SETBP1: variants seen among roughly 807,000 people sequenced by gnomAD.
SETBP1 encodes the protein SET binding protein 1, also known as SET-binding protein.
Under a neutral mutation model 101.0 loss-of-function variants are expected in SETBP1, and 9 were observed. The observed-to-expected ratio is 0.09, with a 90% CI of 0.05 to 0.16. The LOEUF is 0.16. SETBP1 is among the 10% of genes least tolerant of loss of function. The probability of loss-of-function intolerance (pLI) is 1.00; values close to 1 mark genes in which losing one functional copy is unlikely to be tolerated. For missense variants in SETBP1, 1,858 were observed against 2,033.8 expected (o/e 0.91, Z 1.66); for synonymous variants, 818 against 788.5 (o/e 1.04, Z -0.63).
chr18:44,859,852 T>A (rs1027487977), intron 2 of SETBP1, among the ~76,000 whole-genome samples: 1 of 152,242 alleles, frequency 6.6e-6, no homozygotes, highest in African/African-American at 2.4e-5. Context: ...TTCAGTTCAT[T>A]GAGTTCTGCC....
At chr18:44,813,293 A>G (rs1476089927) in intron 2 of SETBP1, among the ~76,000 whole-genome samples, 5 of 152,198 alleles carry the variant, frequency 3.3e-5, no homozygotes, top group African/African-American at 1.2e-4. Flanking sequence ...TTTACATGGC[A>G]GAAGATATAA....
chr18:44,843,799 G>A (rs927110266), intron 2 of SETBP1, among the ~76,000 whole-genome samples: 1 of 152,148 alleles, frequency 6.6e-6, no homozygotes, highest in Non-Finnish European at 1.5e-5. Flanking sequence ...ACACAGTCAG[G>A]CTTGGGAGGG....
intron 5 of SETBP1, among the ~76,000 whole-genome samples, chr18:45,061,445 A>C (rs990123141): frequency 3.3e-5 from 5 of 152,214 alleles, no homozygotes; most frequent in African/African-American, 1.2e-4. Context: ...TTTTGTAGTC[A>C]GAAGCTCACT....
rs765428712 is a variant in SETBP1, at chr18:45,063,855, A to G, written c.*157A>G. On this transcript the variant is annotated 3_prime_UTR_variant, in exon 6 of 6. Coordinates refer to ENST00000649279, the MANE Select transcript of SETBP1 (RefSeq NM_015559.3). The stretch of plus-strand genomic sequence containing the variant: ...TCCGGCCAGACGACGGGGCTGAGCC[A>G]TCAGGAGCTCTTGGGAAAGCAAAGC... The G allele has an allele frequency of 1.1e-5, 8 of 756,046 alleles. No homozygotes were observed. The highest frequency in any genetic ancestry group is 1.7e-5 in the Non-Finnish European group (8 of 476,880). The allele number at this position is 756,046 out of a possible 1,614,324, so 46.8% of individuals were successfully genotyped here.
intron 1 of SETBP1, among the ~76,000 whole-genome samples, chr18:44,692,062 A>AG (rs1371891772): frequency 6.6e-6 from 1 of 152,252 alleles, no homozygotes; most frequent in Admixed American, 6.5e-5. Context: ...GCAGATGCAA[A>AG]GGAAACAAGT....
chr18:44,752,876 A>G (rs1035665925), intron 2 of SETBP1, among the ~76,000 whole-genome samples: 8 of 152,176 alleles, frequency 5.3e-5, no homozygotes, highest in African/African-American at 1.9e-4. Context: ...AATTTTGTAT[A>G]TATGTGCATT....
chr18:44,735,955 A>G (rs1183970938), intron 2 of SETBP1, among the ~76,000 whole-genome samples: 1 of 152,236 alleles, frequency 6.6e-6, no homozygotes, highest in East Asian at 1.9e-4. Context: ...GTGGGAGGGA[A>G]AGATAACATT....
At chr18:45,018,556 G>T (rs1249756999) in intron 4 of SETBP1, among the ~76,000 whole-genome samples, 1 of 152,210 alleles carries the variant, frequency 6.6e-6, no homozygotes, top group Non-Finnish European at 1.5e-5. Context: ...AGTCAGGATT[G>T]TTATGTGTAA....
intron 3 of SETBP1, among the ~76,000 whole-genome samples, chr18:44,946,552 G>A (rs1478335266): frequency 6.6e-6 from 1 of 152,182 alleles, no homozygotes; most frequent in African/African-American, 2.4e-5. Flanking sequence ...ATTTGGGAAG[G>A]ATTTCTTGTT....
intron 5 of SETBP1, among the ~76,000 whole-genome samples, chr18:45,055,300 A>G (rs2073790459): frequency 6.6e-6 from 1 of 152,202 alleles, no homozygotes; most frequent in Non-Finnish European, 1.5e-5. Context: ...TATTAGTAAC[A>G]TAATTTTGAA....
chr18:44,964,604 A>AC (rs1555636611), intron 4 of SETBP1, among the ~76,000 whole-genome samples: 165 of 147,340 alleles, frequency 1.1e-3, no homozygotes, highest in African/African-American at 3.9e-3. Context: ...AAAAAAAAAA[A>AC]CCCTGTTAAT....
intron 2 of SETBP1, among the ~76,000 whole-genome samples, chr18:44,714,057 G>T (rs1321176129): frequency 1.3e-5 from 2 of 152,194 alleles, no homozygotes; most frequent in African/African-American, 4.8e-5. Context: ...TAAATGAAAG[G>T]GCTGTTAAGT....
At chr18:44,899,421 G>A (rs1437715841) in intron 3 of SETBP1, among the ~76,000 whole-genome samples, 2 of 152,176 alleles carry the variant, frequency 1.3e-5, no homozygotes, top group Non-Finnish European at 2.9e-5. Flanking sequence ...AGGCAATTCT[G>A]TCTCCAAAAT....
intron 2 of SETBP1, among the ~76,000 whole-genome samples, chr18:44,795,970 G>A (rs1270175199): frequency 6.6e-6 from 1 of 152,208 alleles, no homozygotes; most frequent in African/African-American, 2.4e-5. Context: ...GAAGATGCTA[G>A]TTCTTCTCCT....
chr18:44,936,124 A>G (rs1030273183), intron 3 of SETBP1, among the ~76,000 whole-genome samples: 2 of 152,308 alleles, frequency 1.3e-5, no homozygotes, highest in African/African-American at 2.4e-5. Context: ...TGCAGAATGT[A>G]TCTGAATCAG....
chr18:44,762,125 A>T (rs1397220067), intron 2 of SETBP1, among the ~76,000 whole-genome samples: 1 of 142,046 alleles, frequency 7.0e-6, no homozygotes, highest in Non-Finnish European at 1.5e-5. Flanking sequence ...CAGTTCTACC[A>T]AGCTTCTAAA....
In SETBP1 at chr18:44,701,386, G is replaced by C; in HGVS notation, c.40G>C (p.Gly14Arg). 4 of 1,545,948 alleles carry C rather than the reference G, an allele frequency of 2.6e-6. No individual in the cohort carries two copies. The highest frequency in any genetic ancestry group is 3.5e-6 in the Non-Finnish European group (4 of 1,143,246). Residue 14 changes from glycine to arginine, a missense_variant, in exon 2 of 6, where the codon GGG (glycine) becomes CGG (arginine). This residue lies in a region of SETBP1 where 97 missense variants were observed against 101.2 expected (regional missense o/e 0.96). Coordinates refer to ENST00000649279, the MANE Select transcript of SETBP1 (RefSeq NM_015559.3). The stretch of plus-strand genomic sequence containing the variant: ...AACCTTAAGCAGCTCCCGGCAAAGA[G>C]GGGGCGAGTCAGACTTCCTGCCGGT... Reference protein sequence around the residue: ...RETLSSSRQRGGESDFLPVSS... With the variant: ...RETLSSSRQRRGESDFLPVSS...
At chr18:45,037,500 G>A (rs991237389) in intron 4 of SETBP1, among the ~76,000 whole-genome samples, 7 of 152,074 alleles carry the variant, frequency 4.6e-5, no homozygotes, top group Non-Finnish European at 7.4e-5. Context: ...TTGACTTGTC[G>A]GATGCTCACA....
chr18:44,902,661 T>C (rs1009334810), intron 3 of SETBP1, among the ~76,000 whole-genome samples: 3 of 152,194 alleles, frequency 2.0e-5, no homozygotes, highest in African/African-American at 7.2e-5. Flanking sequence ...GTTTTGCAAT[T>C]TTATAAATGT....
Sources: gnomAD v4.1 joint callset for allele counts (sites outside exome capture counted in the v4.1 genomes callset) on GRCh38, gnomAD v4.1.1 for gene constraint, gnomAD v4.1.1 regional missense constraint, MANE v1.5 for transcripts, NCBI Gene and HGNC (gene_info 2026-07-23, HGNC 2026-07-21) for gene names.